Variants in ARL1 observed in about 807,000 individuals in gnomAD.
ARL1 encodes the protein ARF like GTPase 1.
ARL1 carries 17 observed loss-of-function variants against 30.1 expected under a neutral mutation model. That is an observed-to-expected ratio of 0.56 (90% CI 0.39 to 0.85). ARL1 has a LOEUF of 0.85. Ranked by LOEUF, ARL1 falls within the 40% of genes least tolerant of loss-of-function variation. ARL1 has a pLI of 0.00. For synonymous variants in ARL1, 58 were observed against 71.7 expected, an observed-to-expected ratio of 0.81 and a Z score of 0.97; for missense variants, 102 against 212.6, an observed-to-expected ratio of 0.48 and a Z score of 3.24.
rs1476541791 is a variant in ARL1 at position 101,394,755 on chromosome 12, CATT to C, written c.*882_*884del. The C allele has an allele frequency of 6.6e-6, 1 of 152,056 alleles. No homozygotes were observed. The highest frequency in any genetic ancestry group is 1.5e-5 in the Non-Finnish European group (1 of 68,002). 9.4% of individuals were successfully genotyped at this position (152,056 alleles called of 1,614,324 possible). A position where few individuals can be genotyped will look rare whatever the true frequency, so the allele number is the denominator to read the frequency against. Reference sequence around the variant, plus strand: ...TAGTATAGACAAATAAATTTATAAACATTATTTTGAATGTAACTAATTAGCATA... The same window carrying C: ...TAGTATAGACAAATAAATTTATAAACATTTTGAATGTAACTAATTAGCATA... On this transcript the variant is annotated 3_prime_UTR_variant, in exon 6 of 6. Transcript: ENST00000261636.
At chr12:101,399,589 A>G (rs896195281) in intron 4 of ARL1, among the ~76,000 whole-genome samples, 2 of 151,376 alleles carry the variant, frequency 1.3e-5, no homozygotes, top group Non-Finnish European at 2.9e-5. Context: ...TTACCTAGGT[A>G]TCAACTGGCC....
intron 1 of ARL1, 125 bp from the exon 2 acceptor site, chr12:101,406,106 G>T (rs570113609): frequency 1.3e-6 from 1 of 746,238 alleles, no homozygotes; most frequent in Non-Finnish European, 2.1e-6. Flanking sequence ...GGATGCGTAG[G>T]TGCATATTTT....
chr12:101,397,279 A>G (rs948907273), intron 4 of ARL1, among the ~76,000 whole-genome samples: 1 of 152,104 alleles, frequency 6.6e-6, no homozygotes, highest in Admixed American at 6.6e-5. Flanking sequence ...ATAGCATCTC[A>G]TTATATATTA....
chr12:101,401,356 G>C (rs1871299909), intron 3 of ARL1, 183 bp from the exon 4 acceptor site: 1 of 474,488 alleles, frequency 2.1e-6, no homozygotes, highest in South Asian at 3.2e-5. Context: ...ATAAACATTG[G>C]CTGGGCACGG....
At chr12:101,398,099 G>A (rs1593464615) in intron 4 of ARL1, among the ~76,000 whole-genome samples, 1 of 151,708 alleles carries the variant, frequency 6.6e-6, no homozygotes, top group Non-Finnish European at 1.5e-5. Flanking sequence ...TCATTTTTGT[G>A]TATAGGAAAG....
At chr12:101,398,536 G>A (rs572917641) in intron 4 of ARL1, among the ~76,000 whole-genome samples, 2 of 151,934 alleles carry the variant, frequency 1.3e-5, no homozygotes. Flanking sequence ...TGCAACCTCC[G>A]CCTCCTGGGT....
At chr12:101,396,993 T>C (rs1871169791) in intron 4 of ARL1, among the ~76,000 whole-genome samples, 1 of 152,256 alleles carries the variant, frequency 6.6e-6, no homozygotes, top group Admixed American at 6.5e-5. Context: ...CTGTGTTAAC[T>C]ATTTTCTAGT....
At chr12:101,396,763 A>C (rs1871165099) in intron 4 of ARL1, among the ~76,000 whole-genome samples, 186 bp from the exon 5 acceptor site, 1 of 152,142 alleles carries the variant, frequency 6.6e-6, no homozygotes, top group Non-Finnish European at 1.5e-5. Context: ...CCTCCCAAAT[A>C]TGATCACTGT....
chr12:101,396,581 A>T lies in ARL1; in HGVS notation c.337-4T>A. On this transcript the variant is annotated splice_region_variant and splice_polypyrimidine_tract_variant and intron_variant, in intron 4 of 5. Coordinates refer to ENST00000261636, the MANE Select transcript of ARL1 (RefSeq NM_001177.6). ...TGGCTTTTCTCAGCTCTTCTTCCTAAATGAAATTGAAAATATTTAATTTCT... is the reference window on the plus strand; with the variant it reads ...TGGCTTTTCTCAGCTCTTCTTCCTATATGAAATTGAAAATATTTAATTTCT... 6.2e-7 allele frequency: 1 copy of T among 1,603,988 alleles called. No homozygotes were observed. Among genetic ancestry groups the T allele is most frequent in the Non-Finnish European group, 8.5e-7 (1 of 1,173,728 alleles).
rs1298296229 is a variant in ARL1, at chr12:101,401,659, AAAAG to A, written c.225-490_225-487del. On this transcript the variant is annotated intron_variant, in intron 3 of 5. Coordinates refer to ENST00000261636, the MANE Select transcript of ARL1 (RefSeq NM_001177.6). ...CTCAAAAAAAAAAAAAAAAAAAAAA[AAAAG>A]AATGTTGATAAACATTGACTCACAG... Among the ~76,000 whole-genome samples the A allele has an allele frequency of 1.1e-3, 161 of 151,172 alleles. 1 individual carries two copies. Among genetic ancestry groups the A allele is most frequent in the African/African-American group, 3.5e-3 (144 of 41,196 alleles).
chr12:101,403,092 T>G lies in ARL1; in HGVS notation c.143-146A>C, dbSNP rs1871347070. ...ATATAATTTGTCTTAGGATTCGAGT[T>G]AAAAAGAAATGGTAATTGTTGAATC... On this transcript the variant is annotated intron_variant, in intron 2 of 5. Transcript: ENST00000261636. 6.2e-6 allele frequency: 3 copies of G among 485,978 alleles called. No homozygotes were observed. The Admixed American group carries it at 1.1e-4, about 18-fold the overall frequency. The allele number at this position is 485,978 out of a possible 1,614,324, so 30.1% of individuals were successfully genotyped here. A position where few individuals can be genotyped will look rare whatever the true frequency, so the allele number is the denominator to read the frequency against.
Position 101,393,923 on chromosome 12 carries a change from A to C in ARL1, c.*1717T>G, listed in dbSNP as rs1231436888. On this transcript the variant is annotated 3_prime_UTR_variant, in exon 6 of 6. Transcript: ENST00000261636. ...CTACTTGTCAAGATGACAAATATCT[A>C]TCCTACTGTTTCAACTATGAACATA... 2 of 151,798 alleles carry C rather than the reference A, an allele frequency of 1.3e-5. No individual in the cohort carries two copies. Among genetic ancestry groups the C allele is most frequent in the East Asian group, 3.8e-4 (2 of 5,196 alleles). The allele number at this position is 151,798 out of a possible 1,614,324, so 9.4% of individuals were successfully genotyped here. A position where few individuals can be genotyped will look rare whatever the true frequency, so the allele number is the denominator to read the frequency against.
Position 101,405,834 on chromosome 12 carries a change from C to T in ARL1, c.142+10G>A. On this transcript the variant is annotated intron_variant, in intron 2 of 5. Transcript: ENST00000261636. ...AGTCCCTACAATTAGCTCATCATAC[C>T]AACACTTACTAGGTATAGTAGTAAC... The T allele has an allele frequency of 6.5e-7, 1 of 1,543,760 alleles. No homozygotes were observed. Among genetic ancestry groups the T allele is most frequent in the Non-Finnish European group, 8.7e-7 (1 of 1,145,590 alleles).
intron 1 of ARL1, 106 bp from the exon 2 acceptor site, chr12:101,406,087 T>C: frequency 1.1e-6 from 1 of 932,770 alleles, no homozygotes; most frequent in Non-Finnish European, 1.5e-6. Flanking sequence ...TTAAATATTA[T>C]AATTTCCTGG....
chr12:101,399,157 T>C (rs1417120477), intron 4 of ARL1, among the ~76,000 whole-genome samples: 2 of 151,800 alleles, frequency 1.3e-5, no homozygotes, highest in Non-Finnish European at 2.9e-5. Flanking sequence ...AACTATTAAG[T>C]CTGCAATTTA....
At chr12:101,406,526 A>C (rs1415353488) in intron 1 of ARL1, among the ~76,000 whole-genome samples, 1 of 152,256 alleles carries the variant, frequency 6.6e-6, no homozygotes, top group Non-Finnish European at 1.5e-5. Flanking sequence ...TATCCAATGC[A>C]TCACAAAATA....
In ARL1 at chr12:101,405,969, G is replaced by C; in HGVS notation, c.17C>G (p.Ser6Ter). The C allele has an allele frequency of 6.4e-7, 1 of 1,559,800 alleles. No homozygotes were observed. Among genetic ancestry groups the C allele is most frequent in the East Asian group, 2.3e-5 (1 of 42,852 alleles). The change falls in exon 2 of 6, where the codon TCA becomes TGA. Residue 6 changes from serine to a stop codon, truncating the protein, a stop_gained. Transcript: ENST00000261636. LOFTEE classifies it high-confidence loss of function. ...TCCAAACAGACTGGAAAATATACTT[G>C]AGAAAAAGCCACCTAAAAAATAATA... The part of the protein sequence containing the change: MGGFF[S>*]SIFSSLFGTR...
chr12:101,402,482 C>T (rs534884872), intron 3 of ARL1, among the ~76,000 whole-genome samples: 4 of 152,284 alleles, frequency 2.6e-5, no homozygotes, highest in African/African-American at 7.2e-5. Context: ...CTACCATGCC[C>T]GGCCAATGGC....
At chr12:101,403,488 C>G (rs1221193621) in intron 2 of ARL1, 4 of 216,614 alleles carry the variant, frequency 1.8e-5, no homozygotes, top group African/African-American at 9.5e-5. Context: ...AGAAAAAAAG[C>G]TAAACTTCAG....
Sources: gnomAD v4.1 joint callset for allele counts (sites outside exome capture counted in the v4.1 genomes callset) on GRCh38, gnomAD v4.1.1 for gene constraint, MANE v1.5 for transcripts, NCBI Gene and HGNC (gene_info 2026-07-23, HGNC 2026-07-21) for gene names.